Variants in DKK2 observed in about 807,000 individuals in gnomAD.
DKK2 encodes the protein dickkopf-related protein 2.
In DKK2, 11 loss-of-function variants were observed where a neutral mutation model predicts 28.1. That is an observed-to-expected ratio of 0.39 (90% CI 0.25 to 0.65). The LOEUF (loss-of-function observed/expected upper bound fraction) is 0.65, where lower values mean the gene tolerates loss of function less well. Ranked by LOEUF, DKK2 falls within the 30% of genes least tolerant of loss-of-function variation. The pLI is 0.47. For synonymous variants in DKK2, 135 were observed against 126.5 expected, an observed-to-expected ratio of 1.07 and a Z score of -0.45; for missense variants, 326 against 335.5, an observed-to-expected ratio of 0.97 and a Z score of 0.22.
In DKK2 at chr4:106,989,944, T is replaced by C. The variant is rs1578369958; in HGVS notation, c.222+45426A>G. Among the ~76,000 whole-genome samples, 3 of 152,280 alleles carry C rather than the reference T, an allele frequency of 2.0e-5. No individual in the cohort carries two copies. The South Asian group carries it at 6.2e-4, about 32-fold the overall frequency. On this transcript the variant is annotated intron_variant, in intron 1 of 3. Transcript: ENST00000285311. ...AAATTAATCTTAAAAATATCTTTAG[T>C]TTAACCCAACATAGCAAAAATATTA...
chr4:107,004,382 G>C (rs1723406971), intron 1 of DKK2, among the ~76,000 whole-genome samples: 1 of 152,138 alleles, frequency 6.6e-6, no homozygotes, highest in Admixed American at 6.5e-5. Flanking sequence ...CCTATGTTAG[G>C]ATTCACAATA....
At position 107,005,273 on chromosome 4, in the gene DKK2, G is replaced by A. The variant is rs549483928; in HGVS notation, c.222+30097C>T. ...GGAGCAAGGCGTGAACCCGGGAGGC[G>A]GAGCTTGCAGTGAGCCAAGATCGTG... On this transcript the variant is annotated intron_variant, in intron 1 of 3. Coordinates refer to ENST00000285311, the MANE Select transcript of DKK2 (RefSeq NM_014421.3). Among the ~76,000 whole-genome samples the A allele has an allele frequency of 1.1e-4, 17 of 150,068 alleles. No homozygotes were observed. The East Asian group carries it at 3.0e-3, about 26-fold the overall frequency.
intron 1 of DKK2, among the ~76,000 whole-genome samples, chr4:106,975,496 C>A (rs189265048): frequency 6.6e-6 from 1 of 152,092 alleles, no homozygotes; most frequent in South Asian, 2.1e-4. Flanking sequence ...GGAATTTATC[C>A]ATTTCTTTTA....
At chr4:107,033,418 C>CA (rs1366515151) in intron 1 of DKK2, among the ~76,000 whole-genome samples, 5 of 152,222 alleles carry the variant, frequency 3.3e-5, no homozygotes, top group East Asian at 3.9e-4. Context: ...GGTAGCACCA[C>CA]AAAAACATAT....
At chr4:106,973,807 C>T (rs1722903586) in intron 1 of DKK2, among the ~76,000 whole-genome samples, 1 of 152,140 alleles carries the variant, frequency 6.6e-6, no homozygotes, top group Non-Finnish European at 1.5e-5. Context: ...GAAGTCTTTG[C>T]CCTTGCCTAT....
chr4:107,006,275 A>G (rs1723436964), intron 1 of DKK2, among the ~76,000 whole-genome samples: 1 of 152,204 alleles, frequency 6.6e-6, no homozygotes, highest in Non-Finnish European at 1.5e-5. Context: ...ATCATCTTTT[A>G]ATATATAATT....
chr4:106,982,449 C>T (rs866121441), intron 1 of DKK2, among the ~76,000 whole-genome samples: 2 of 152,092 alleles, frequency 1.3e-5, no homozygotes, highest in East Asian at 1.9e-4. Context: ...CTGGTGAATC[C>T]GGGCTGCTAG....
chr4:107,009,438 G>A (rs1023080299), intron 1 of DKK2, among the ~76,000 whole-genome samples: 2 of 151,910 alleles, frequency 1.3e-5, no homozygotes, highest in Admixed American at 6.6e-5. Context: ...GAGAGAATCT[G>A]CACTTTTTCT....
chr4:107,008,302 T>C (rs1168263596), intron 1 of DKK2, among the ~76,000 whole-genome samples: 1 of 152,100 alleles, frequency 6.6e-6, no homozygotes. Context: ...GTGAAAAAGA[T>C]AAGATCTTTC....
At chr4:106,988,493 T>C (rs1723157820) in intron 1 of DKK2, among the ~76,000 whole-genome samples, 1 of 152,208 alleles carries the variant, frequency 6.6e-6, no homozygotes, top group South Asian at 2.1e-4. Context: ...AACGACCAAT[T>C]TTGCTGTGAT....
chr4:106,987,879 T>C (rs1723145699), intron 1 of DKK2, among the ~76,000 whole-genome samples: 2 of 151,826 alleles, frequency 1.3e-5, no homozygotes. Context: ...TTTTTTTTTT[T>C]TTTGAGATGG....
chr4:106,989,039 T>C (rs1367250065), intron 1 of DKK2, among the ~76,000 whole-genome samples: 1 of 152,180 alleles, frequency 6.6e-6, no homozygotes, highest in East Asian at 1.9e-4. Context: ...GACTCGCCTC[T>C]TCCTGTAAGT....
intron 1 of DKK2, among the ~76,000 whole-genome samples, chr4:106,972,988 T>C (rs1220282676): frequency 6.6e-6 from 1 of 152,078 alleles, no homozygotes; most frequent in Non-Finnish European, 1.5e-5. Flanking sequence ...GAACACATGG[T>C]GTTTTGTTTT....
At chr4:106,946,771 G>A (rs1194391955) in intron 1 of DKK2, among the ~76,000 whole-genome samples, 6 of 151,900 alleles carry the variant, frequency 3.9e-5, no homozygotes, top group African/African-American at 1.5e-4. Context: ...AAACCTCTGA[G>A]CTTCCACAAG....
intron 1 of DKK2, among the ~76,000 whole-genome samples, chr4:106,962,689 TTGTC>T (rs1182992911): frequency 6.6e-6 from 1 of 152,010 alleles, no homozygotes; most frequent in African/African-American, 2.4e-5. Context: ...TCCAAGACAT[TTGTC>T]TGGGCACAGA....
At chr4:106,996,629 G>A (rs947113867) in intron 1 of DKK2, among the ~76,000 whole-genome samples, 3 of 152,072 alleles carry the variant, frequency 2.0e-5, no homozygotes, top group Non-Finnish European at 1.5e-5. Flanking sequence ...TAGTTCCCTC[G>A]GTGATCTGTT....
intron 1 of DKK2, among the ~76,000 whole-genome samples, chr4:106,997,251 C>A (rs1327222651): frequency 2.0e-5 from 3 of 152,064 alleles, no homozygotes; most frequent in Admixed American, 2.0e-4. Context: ...CTTTTAACAT[C>A]TAACACAGAA....
chr4:106,936,161 T>C (rs1724584552), intron 1 of DKK2, among the ~76,000 whole-genome samples: 1 of 151,818 alleles, frequency 6.6e-6, no homozygotes, highest in African/African-American at 2.4e-5. Flanking sequence ...GACGATCAAA[T>C]TACTTTGAGC....
chr4:107,035,755 T>G lies in DKK2; in HGVS notation c.-164A>C. 1.5e-6 allele frequency: 1 copy of G among 655,864 alleles called. No individual in the cohort carries two copies. Among genetic ancestry groups the G allele is most frequent in the South Asian group, 1.9e-5 (1 of 52,330 alleles). The allele number at this position is 655,864 out of a possible 1,614,324, so 40.6% of individuals were successfully genotyped here. ...GGGACCCAGGACCCTATGAACTCAG[T>G]CTCACGCCTCAGGACAGAAATTAGC... is the stretch of plus-strand genomic sequence containing the variant. On this transcript the variant is annotated 5_prime_UTR_variant, in exon 1 of 4. Transcript: ENST00000285311.
Sources: gnomAD v4.1 joint callset for allele counts (sites outside exome capture counted in the v4.1 genomes callset) on GRCh38, gnomAD v4.1.1 for gene constraint, MANE v1.5 for transcripts, NCBI Gene and HGNC (gene_info 2026-07-23, HGNC 2026-07-21) for gene names.